HSD17B2: variants seen among roughly 807,000 people sequenced by gnomAD.
The protein encoded by HSD17B2 is 17-beta-hydroxysteroid dehydrogenase type 2.
Under a neutral mutation model 26.9 loss-of-function variants are expected in HSD17B2, and 32 were observed. The observed-to-expected ratio is 1.19, with a 90% CI of 0.90 to 1.60. The LOEUF (loss-of-function observed/expected upper bound fraction) is 1.60. Among genes scored for constraint, HSD17B2 ranks in the 40% most tolerant of loss-of-function variants. The pLI is 0.00. For synonymous variants in HSD17B2, 246 were observed against 186.7 expected (o/e 1.32, Z -2.59); for missense variants, 613 against 468.6 (o/e 1.31, Z -2.85).
chr16:82,091,946 G>A (rs1170165572), intron 4 of HSD17B2: 1 of 152,086 alleles, frequency 6.6e-6, no homozygotes, highest in Non-Finnish European at 1.5e-5. Context: ...GACCTTTCTG[G>A]GACACACACT....
intron 1 of HSD17B2, among the ~76,000 whole-genome samples, chr16:82,046,975 G>T (rs1172633819): frequency 6.6e-6 from 1 of 152,194 alleles, no homozygotes; most frequent in Non-Finnish European, 1.5e-5. Flanking sequence ...TGAGGGAAAG[G>T]GGTATTGGCT....
At position 82,066,214 on chromosome 16, in the gene HSD17B2, C is replaced by T. The variant is rs569243405; in HGVS notation, c.266-1956C>T. 3.3e-5 allele frequency among the ~76,000 whole-genome samples: 5 copies of T among 152,308 alleles called. No individual in the cohort carries two copies. In the South Asian group the frequency reaches 1.0e-3, roughly 32 times the overall value. On this transcript the variant is annotated intron_variant, in intron 1 of 4. Coordinates refer to ENST00000199936, the MANE Select transcript of HSD17B2 (RefSeq NM_002153.3). ...AGTTGGTACCATCTCCTCCTCTGGC[C>T]AGCCCCAGGGAGGAAACCACTTACA...
chr16:82,047,406 T>G (rs61121331), intron 1 of HSD17B2, among the ~76,000 whole-genome samples: 2,866 of 152,346 alleles, frequency 0.019, 87 homozygotes, highest in African/African-American at 0.064. Flanking sequence ...AATCCATTCA[T>G]TCGTTATTTC....
chr16:82,062,233 G>A (rs1418673963), intron 1 of HSD17B2, among the ~76,000 whole-genome samples: 1 of 152,100 alleles, frequency 6.6e-6, no homozygotes, highest in Non-Finnish European at 1.5e-5. Context: ...CTCCAATCTT[G>A]TACAAATGGG....
intron 1 of HSD17B2, among the ~76,000 whole-genome samples, chr16:82,048,755 T>G (rs759148400): frequency 1.3e-5 from 2 of 152,254 alleles, no homozygotes; most frequent in Non-Finnish European, 2.9e-5. Context: ...AAAGGCAATT[T>G]ACTTATATAG....
intron 1 of HSD17B2, among the ~76,000 whole-genome samples, chr16:82,050,352 A>T (rs922500997): frequency 6.6e-6 from 1 of 150,608 alleles, no homozygotes; most frequent in Non-Finnish European, 1.5e-5. Context: ...CCCATATACA[A>T]TTCGTTCTCG....
Position 82,091,010 on chromosome 16 carries a change from C to T in HSD17B2, c.773C>T (p.Ala258Val), listed in dbSNP as rs115716108. 3.5e-4 allele frequency: 563 copies of T among 1,614,012 alleles called. 1 individual carries two copies. In the African/African-American group the frequency reaches 6.6e-3, roughly 19 times the overall value. Residue 258 changes from alanine (A) to valine (V), a missense_variant, in exon 4 of 5, where the codon GCT (alanine) becomes GTT (valine). Coordinates refer to ENST00000199936, the MANE Select transcript of HSD17B2 (RefSeq NM_002153.3). ...LELSKWGIKV[A>V]SIQPGGFLTN... is the part of the protein sequence containing the mutation. The stretch of plus-strand genomic sequence containing the variant: ...CTTTCCAAGTGGGGAATTAAAGTTG[C>T]TTCCATCCAACCTGGAGGCTTCCTA...
In HSD17B2 at chr16:82,071,268, G is replaced by A. The variant is rs2143984907; in HGVS notation, c.664+141G>A. ...TAGTCAAATTGTATATACCCTGTTG[G>A]TCTTATCACAATAAAACCTTTCTCT... On this transcript the variant is annotated intron_variant, in intron 3 of 4. Coordinates refer to ENST00000199936, the MANE Select transcript of HSD17B2 (RefSeq NM_002153.3). 5 of 778,728 alleles carry A rather than the reference G, an allele frequency of 6.4e-6. No homozygotes were observed. In the South Asian group the frequency reaches 7.0e-5, roughly 11 times the overall value. 48.2% of individuals were successfully genotyped at this position (778,728 alleles called of 1,614,324 possible).
chr16:82,046,176 A>C lies in HSD17B2; in HGVS notation c.265+10487A>C, dbSNP rs74488557. On this transcript the variant is annotated intron_variant, in intron 1 of 4. Coordinates refer to ENST00000199936, the MANE Select transcript of HSD17B2 (RefSeq NM_002153.3). ...TGCCTACTATGCACGCTCGAGATAC[A>C]GTGTGGAGCAAAAACAGAATAAGGC... Among the ~76,000 whole-genome samples the C allele has an allele frequency of 8.4e-3, 1,280 of 152,300 alleles. 43 individuals are homozygous for C. Among genetic ancestry groups the C allele is most frequent in the East Asian group, 0.068 (352 of 5,180 alleles).
chr16:82,072,990 G>A (rs138872260), intron 3 of HSD17B2, among the ~76,000 whole-genome samples: 288 of 152,280 alleles, frequency 1.9e-3, no homozygotes, highest in African/African-American at 6.7e-3. Flanking sequence ...GAGCCTGGGA[G>A]GTTAAGACTG....
At position 82,098,376 on chromosome 16, in the gene HSD17B2, C is replaced by T; in HGVS notation, c.1104C>T (p.Gly368=). 6.2e-7 allele frequency: 1 copy of T among 1,613,994 alleles called. No individual in the cohort carries two copies. The highest frequency in any genetic ancestry group is 8.5e-7 in the Non-Finnish European group (1 of 1,179,946). The change falls in exon 5 of 5, where the codon GGC becomes GGT. Residue 368 remains glycine, a synonymous_variant. Coordinates refer to ENST00000199936, the MANE Select transcript of HSD17B2 (RefSeq NM_002153.3). Reference sequence around the variant, plus strand: ...ATTACTTTGCTAAAAGACATTTTGGCCAAGACAAGCCCATGCCCAGAGCTC... The same window carrying T: ...ATTACTTTGCTAAAAGACATTTTGGTCAAGACAAGCCCATGCCCAGAGCTC... The part of the protein sequence containing the change: ...IYDYFAKRHF[G]QDKPMPRALR...
At chr16:82,051,730 G>A (rs1364674976) in intron 1 of HSD17B2, among the ~76,000 whole-genome samples, 1 of 152,116 alleles carries the variant, frequency 6.6e-6, no homozygotes, top group East Asian at 1.9e-4. Flanking sequence ...GGAATTTAAA[G>A]TAAAATAAAA....
At chr16:82,036,319 T>TG (rs1913622759) in intron 1 of HSD17B2, among the ~76,000 whole-genome samples, 2 of 102,102 alleles carry the variant, frequency 2.0e-5, no homozygotes, top group African/African-American at 3.9e-5. Flanking sequence ...TTTTCCCTTG[T>TG]TTGTGTGTGT....
In HSD17B2 at chr16:82,068,180, C is replaced by A. The variant is rs148579309; in HGVS notation, c.276C>A (p.Cys92Ter). The change falls in exon 2 of 5, where the codon TGC becomes TGA. Residue 92 changes from cysteine to a stop codon, truncating the protein, a stop_gained. Transcript: ENST00000199936. LOFTEE classifies it high-confidence loss of function. ...CCTGACCCTATGCAGGTGGTGATTG[C>A]GGGCTTGGCCATGCTTTGTGCAAGT... ...QKAVLVTGGD[C>*]GLGHALCKYL... The A allele has an allele frequency of 3.1e-5, 50 of 1,613,998 alleles. No homozygotes were observed. Among genetic ancestry groups the A allele is most frequent in the Non-Finnish European group, 3.9e-5 (46 of 1,179,994 alleles).
chr16:82,048,305 A>C (rs1913999433), intron 1 of HSD17B2, among the ~76,000 whole-genome samples: 1 of 152,158 alleles, frequency 6.6e-6, no homozygotes, highest in Non-Finnish European at 1.5e-5. Flanking sequence ...ATAGTTACAA[A>C]CAACATCCAG....
intron 1 of HSD17B2, among the ~76,000 whole-genome samples, chr16:82,057,923 G>A (rs369881351): frequency 1.3e-5 from 2 of 152,088 alleles, no homozygotes; most frequent in East Asian, 3.9e-4. Flanking sequence ...TCCTGAACAG[G>A]ATCCTACAGC....
At chr16:82,075,431 T>A in intron 3 of HSD17B2, among the ~76,000 whole-genome samples, 1 of 151,858 alleles carries the variant, frequency 6.6e-6, no homozygotes. Flanking sequence ...CTGGAAAAGA[T>A]AAACAAAATT....
intron 1 of HSD17B2, among the ~76,000 whole-genome samples, chr16:82,051,829 T>G (rs1914117700): frequency 6.6e-6 from 1 of 152,228 alleles, no homozygotes; most frequent in South Asian, 2.1e-4. Context: ...GTCAGATAAT[T>G]AACATCTCAG....
At chr16:82,079,257 T>C (rs1338326123) in intron 3 of HSD17B2, among the ~76,000 whole-genome samples, 1 of 152,036 alleles carries the variant, frequency 6.6e-6, no homozygotes, top group African/African-American at 2.4e-5. Flanking sequence ...CATAAGAAAA[T>C]ACCACAGACA....
Sources: allele counts gnomAD v4.1 joint callset (sites outside exome capture counted in the v4.1 genomes callset), GRCh38; gene constraint gnomAD v4.1.1; transcripts MANE v1.5; gene names NCBI Gene and HGNC (gene_info 2026-07-23, HGNC 2026-07-21).